The following TRPM3 variants were observed in gnomAD, a reference collection of about 807,000 sequenced individuals.
TRPM3 encodes the protein long transient receptor potential channel 3.
Under a neutral mutation model 181.2 loss-of-function variants are expected in TRPM3, and 77 were observed. The observed-to-expected ratio is 0.42, with a 90% CI of 0.35 to 0.51. The LOEUF is 0.51. Among genes scored for constraint, TRPM3 ranks in the 20% least tolerant of loss-of-function variants. The pLI is 0.01. For synonymous variants in TRPM3, 745 were observed against 796.4 expected (o/e 0.94, Z 1.09); for missense variants, 1,759 against 2,196.7 (o/e 0.80, Z 3.98).
At chr9:71,224,902 C>T (rs1358766616) in intron 1 of TRPM3, among the ~76,000 whole-genome samples, 2 of 151,902 alleles carry the variant, frequency 1.3e-5, no homozygotes, top group Non-Finnish European at 2.9e-5. Context: ...AGACAGGTAT[C>T]TGAAAATACA....
intron 1 of TRPM3, among the ~76,000 whole-genome samples, chr9:71,049,371 A>G (rs2059811273): frequency 6.6e-6 from 1 of 152,206 alleles, no homozygotes; most frequent in Admixed American, 6.5e-5. Context: ...TATGGTATGC[A>G]TATATACTCC....
At chr9:70,752,824 T>C (rs1028436338) in intron 8 of TRPM3, among the ~76,000 whole-genome samples, 5 of 152,082 alleles carry the variant, frequency 3.3e-5, no homozygotes, top group African/African-American at 1.2e-4. Flanking sequence ...AATTACACTC[T>C]ATGGGCTGGG....
chr9:70,624,544 T>G (rs913494510), intron 14 of TRPM3, among the ~76,000 whole-genome samples: 1 of 152,206 alleles, frequency 6.6e-6, no homozygotes, highest in Non-Finnish European at 1.5e-5. Context: ...CTTATTAAAT[T>G]TTGGTGTAGT....
At chr9:71,032,062 A>ATAT (rs2057499742) in intron 1 of TRPM3, among the ~76,000 whole-genome samples, 1 of 7,274 alleles carries the variant, frequency 1.4e-4, no homozygotes, top group Non-Finnish European at 1.9e-4. Context: ...TATATATTAT[A>ATAT]TATATTATAT....
intron 1 of TRPM3, among the ~76,000 whole-genome samples, chr9:71,276,309 G>A (rs2084210736): frequency 6.6e-6 from 1 of 151,936 alleles, no homozygotes; most frequent in African/African-American, 2.4e-5. Context: ...TTATGTTGGG[G>A]GTAAAAGAAT....
chr9:70,571,270 C>G (rs2052260250), intron 22 of TRPM3, among the ~76,000 whole-genome samples: 1 of 152,186 alleles, frequency 6.6e-6, no homozygotes, highest in Non-Finnish European at 1.5e-5. Context: ...GTCACACAAG[C>G]TCCCTGGGCC....
chr9:70,840,163 C>T (rs2094551095), intron 5 of TRPM3, among the ~76,000 whole-genome samples: 2 of 151,958 alleles, frequency 1.3e-5, no homozygotes, highest in Non-Finnish European at 2.9e-5. Flanking sequence ...TCCTGTACAC[C>T]AAAAATAGTA....
At chr9:71,311,163 C>G (rs770780010) in intron 1 of TRPM3, among the ~76,000 whole-genome samples, 5 of 151,880 alleles carry the variant, frequency 3.3e-5, no homozygotes, top group Non-Finnish European at 7.4e-5. Context: ...ATGTTTATTC[C>G]TGCAGAAATC....
intron 1 of TRPM3, among the ~76,000 whole-genome samples, chr9:71,188,568 C>T (rs1172895688): frequency 6.6e-6 from 1 of 151,810 alleles, no homozygotes; most frequent in Non-Finnish European, 1.5e-5. Context: ...TACTCAACCA[C>T]TGAGTTTGAA....
chr9:70,980,285 A>G (rs962797700), intron 1 of TRPM3, among the ~76,000 whole-genome samples: 9 of 152,070 alleles, frequency 5.9e-5, no homozygotes, highest in Admixed American at 4.6e-4. Context: ...AGATCTTTGC[A>G]GGGCAAAAAA....
Position 71,121,409 on chromosome 9 carries a change from T to A in TRPM3, c.-55A>T. ...CATTAGGGCAGAGGCTTCCTGGAAC[T>A]TGGAAGACTAGTCAAGTAGCCTTGC... On this transcript the variant is annotated 5_prime_UTR_variant, in exon 1 of 26. The change creates a new upstream start codon in the 5' untranslated region. Coordinates refer to ENST00000677713, the MANE Select transcript of TRPM3 (RefSeq NM_001366145.2). 6.3e-7 allele frequency: 1 copy of A among 1,582,268 alleles called. No individual in the cohort carries two copies. The highest frequency in any genetic ancestry group is 8.6e-7 in the Non-Finnish European group (1 of 1,165,650).
chr9:71,147,463 C>T (rs1335412879), intron 1 of TRPM3, among the ~76,000 whole-genome samples: 1 of 111,888 alleles, frequency 8.9e-6, no homozygotes, highest in South Asian at 3.0e-4. Context: ...ACACAGCCAG[C>T]TAGGCAATAG....
intron 9 of TRPM3, among the ~76,000 whole-genome samples, chr9:70,658,086 T>C (rs112080271): frequency 6.6e-6 from 1 of 152,172 alleles, no homozygotes; most frequent in Admixed American, 6.5e-5. Flanking sequence ...TTATATCTTA[T>C]GGTTAAGATT....
chr9:70,555,199 C>T (rs1395066119), intron 22 of TRPM3, among the ~76,000 whole-genome samples: 2 of 152,214 alleles, frequency 1.3e-5, no homozygotes, highest in Non-Finnish European at 2.9e-5. Context: ...CATTCCCATG[C>T]TTCACCTGGG....
At chr9:71,282,091 G>C (rs148933264) in intron 1 of TRPM3, among the ~76,000 whole-genome samples, 4 of 34,806 alleles carry the variant, frequency 1.1e-4, no homozygotes, top group Non-Finnish European at 1.7e-4. Flanking sequence ...GAAAGAAAGA[G>C]AGAAAGAAAG....
chr9:71,079,530 G>A (rs1003223491), intron 1 of TRPM3, among the ~76,000 whole-genome samples: 1 of 152,214 alleles, frequency 6.6e-6, no homozygotes, highest in Non-Finnish European at 1.5e-5. Context: ...ACCTGGGTGT[G>A]AAGCAGTGAT....
intron 1 of TRPM3, among the ~76,000 whole-genome samples, chr9:71,027,573 T>C (rs763554878): frequency 2.0e-5 from 3 of 152,138 alleles, no homozygotes; most frequent in Non-Finnish European, 4.4e-5. Flanking sequence ...CACAATAAAA[T>C]GTTACAGGAG....
chr9:70,861,552 A>G (rs1215583250), intron 3 of TRPM3, among the ~76,000 whole-genome samples: 1 of 152,214 alleles, frequency 6.6e-6, no homozygotes, highest in African/African-American at 2.4e-5. Flanking sequence ...CCTCATTTAC[A>G]GCACTTTTCT....
intron 1 of TRPM3, among the ~76,000 whole-genome samples, chr9:71,331,158 A>G (rs2090080327): frequency 6.6e-6 from 1 of 151,916 alleles, no homozygotes; most frequent in Non-Finnish European, 1.5e-5. Context: ...ATGTGTGTTA[A>G]TTATACCACA....
Sources: allele counts gnomAD v4.1 joint callset (sites outside exome capture counted in the v4.1 genomes callset), GRCh38; gene constraint gnomAD v4.1.1; transcripts MANE v1.5; gene names NCBI Gene and HGNC (gene_info 2026-07-23, HGNC 2026-07-21).